Variants in GOLM2 observed in about 807,000 individuals in gnomAD.
The protein encoded by GOLM2 is golgi membrane protein 2.
A neutral mutation model predicts 55.9 loss-of-function variants in GOLM2; 26 were observed. The ratio of observed to expected loss-of-function variants is 0.47; its 90% CI spans 0.34 to 0.65. GOLM2 has a LOEUF of 0.65. GOLM2 is among the 30% of genes least tolerant of loss of function. The probability of loss-of-function intolerance (pLI) is 0.01; values close to 1 mark genes in which losing one functional copy is unlikely to be tolerated. For missense variants in GOLM2, 486 were observed against 531.8 expected (o/e 0.91, Z 0.85); for synonymous variants, 165 against 194.6 (o/e 0.85, Z 1.27).
intron 2 of GOLM2, among the ~76,000 whole-genome samples, chr15:44,326,216 C>G (rs992926058): frequency 4.0e-5 from 6 of 149,060 alleles, no homozygotes; most frequent in Non-Finnish European, 8.9e-5. Flanking sequence ...GAGCTGAGAT[C>G]GCACCACTGC....
At chr15:44,344,878 C>T (rs1287151368) in intron 6 of GOLM2, among the ~76,000 whole-genome samples, 7 of 148,476 alleles carry the variant, frequency 4.7e-5, no homozygotes, top group Admixed American at 6.7e-5. Flanking sequence ...CCTGGGTTCG[C>T]GCCATTCTCT....
chr15:44,341,040 A>AATTT (rs970107424), intron 6 of GOLM2, among the ~76,000 whole-genome samples: 1 of 151,044 alleles, frequency 6.6e-6, no homozygotes, highest in Non-Finnish European at 1.5e-5. Flanking sequence ...AAATATATAT[A>AATTT]ATTTTTGACC....
At chr15:44,409,890 T>C (rs1215371058) in intron 9 of GOLM2, 1 of 148,986 alleles carries the variant, frequency 6.7e-6, no homozygotes, top group Non-Finnish European at 1.5e-5. Context: ...CACTCCAGCC[T>C]GGGCAACAGA....
intron 6 of GOLM2, among the ~76,000 whole-genome samples, chr15:44,338,988 C>T (rs1037592174): frequency 2.0e-5 from 3 of 152,052 alleles, no homozygotes; most frequent in Admixed American, 6.6e-5. Flanking sequence ...TAATGGTACT[C>T]CTCCCTGCTG....
At chr15:44,399,643 T>A (rs1245754529) in intron 8 of GOLM2, among the ~76,000 whole-genome samples, 2 of 152,214 alleles carry the variant, frequency 1.3e-5, no homozygotes, top group African/African-American at 4.8e-5. Context: ...ATGATATATA[T>A]TTTTTAGTAC....
chr15:44,326,065 C>A (rs1399251509), intron 2 of GOLM2, among the ~76,000 whole-genome samples: 4 of 151,570 alleles, frequency 2.6e-5, no homozygotes, highest in Non-Finnish European at 5.9e-5. Flanking sequence ...AGTTCGAGAC[C>A]AGCCTGGCCA....
chr15:44,300,873 T>C (rs1412283995), intron 1 of GOLM2, among the ~76,000 whole-genome samples: 1 of 152,204 alleles, frequency 6.6e-6, no homozygotes, highest in Non-Finnish European at 1.5e-5. Flanking sequence ...TAATTAACTT[T>C]ATCTAATTTT....
intron 1 of GOLM2, among the ~76,000 whole-genome samples, chr15:44,297,537 A>T (rs2078764650): frequency 1.4e-5 from 2 of 147,944 alleles, no homozygotes; most frequent in African/African-American, 5.0e-5. Context: ...TCTTTTCTGT[A>T]TATTTATTAT....
chr15:44,389,096 C>T (rs952127103), intron 8 of GOLM2, among the ~76,000 whole-genome samples: 4 of 152,050 alleles, frequency 2.6e-5, no homozygotes, highest in African/African-American at 9.7e-5. Flanking sequence ...AGATTACAGG[C>T]GTGAGCCACC....
intron 6 of GOLM2, among the ~76,000 whole-genome samples, chr15:44,349,763 A>T (rs1330034129): frequency 2.6e-5 from 4 of 152,238 alleles, no homozygotes; most frequent in African/African-American, 7.2e-5. Context: ...GTCTTAAAAC[A>T]TTCAAAAAAT....
intron 1 of GOLM2, among the ~76,000 whole-genome samples, chr15:44,299,968 C>T (rs1229372549): frequency 7.1e-6 from 1 of 139,918 alleles, no homozygotes; most frequent in Non-Finnish European, 1.5e-5. Flanking sequence ...GGCATGGTGA[C>T]ACATGCCCAT....
intron 6 of GOLM2, among the ~76,000 whole-genome samples, chr15:44,364,350 C>A (rs991491771): frequency 6.7e-5 from 10 of 149,198 alleles, no homozygotes; most frequent in African/African-American, 2.5e-4. Flanking sequence ...ATGACAAAAC[C>A]CCATCTCTAC....
intron 1 of GOLM2, chr15:44,307,368 A>C (rs1355699252): frequency 6.6e-6 from 1 of 152,070 alleles, no homozygotes; most frequent in African/African-American, 2.4e-5. Context: ...GCCTACCACC[A>C]CGCCTGGCTA....
chr15:44,295,510 G>A (rs2078750306), intron 1 of GOLM2, among the ~76,000 whole-genome samples: 1 of 152,196 alleles, frequency 6.6e-6, no homozygotes, highest in African/African-American at 2.4e-5. Context: ...AAGGGTTTCA[G>A]CCTGGAGGGG....
At chr15:44,392,841 A>T (rs767781276) in intron 8 of GOLM2, among the ~76,000 whole-genome samples, 4 of 152,212 alleles carry the variant, frequency 2.6e-5, no homozygotes, top group African/African-American at 9.6e-5. Flanking sequence ...TGCATTTATG[A>T]TAAAACAACC....
At chr15:44,398,021 C>T (rs541877653) in intron 8 of GOLM2, among the ~76,000 whole-genome samples, 54 of 152,324 alleles carry the variant, frequency 3.5e-4, no homozygotes, top group African/African-American at 1.3e-3. Context: ...CTCATAGCTT[C>T]TTACCTAAAT....
At chr15:44,295,680 A>T (rs1263006543) in intron 1 of GOLM2, among the ~76,000 whole-genome samples, 1 of 152,174 alleles carries the variant, frequency 6.6e-6, no homozygotes, top group South Asian at 2.1e-4. Context: ...TGCAGATGGC[A>T]ACCTTCTTGC....
At position 44,344,458 on chromosome 15, in the gene GOLM2, A is replaced by G. The variant is rs573871266; in HGVS notation, c.802+6141A>G. 1.6e-3 allele frequency among the ~76,000 whole-genome samples: 250 copies of G among 152,168 alleles called. 2 individuals carry two copies. The highest frequency in any genetic ancestry group is 5.8e-3 in the African/African-American group (241 of 41,552). On this transcript the variant is annotated intron_variant, in intron 6 of 9. Transcript: ENST00000299957. ...TTGGAACTAATCGCCAAGACTTTACAGGAACTTTATGATTTAATGAATTAC... is the reference window on the plus strand; with the variant it reads ...TTGGAACTAATCGCCAAGACTTTACGGGAACTTTATGATTTAATGAATTAC...
intron 1 of GOLM2, among the ~76,000 whole-genome samples, chr15:44,310,438 T>TTCTC (rs778563022): frequency 0.015 from 2,104 of 136,554 alleles, 23 homozygotes; most frequent in South Asian, 0.032. Flanking sequence ...GAGTCTCTCT[T>TTCTC]TCTCTCTCTC....
Sources: allele counts gnomAD v4.1 joint callset (sites outside exome capture counted in the v4.1 genomes callset), GRCh38; gene constraint gnomAD v4.1.1; transcripts MANE v1.5; gene names NCBI Gene and HGNC (gene_info 2026-07-23, HGNC 2026-07-21).